Variants in PIK3R3 observed in about 807,000 individuals in gnomAD.
The protein encoded by PIK3R3 is phosphatidylinositol 3-kinase regulatory subunit gamma.
In PIK3R3, 64 loss-of-function variants were observed where a neutral mutation model predicts 62.9. The observed-to-expected ratio is 1.02, with a 90% CI of 0.83 to 1.25. The LOEUF is 1.25. PIK3R3 is among the 50% of genes most tolerant of loss of function. PIK3R3 has a pLI of 0.00. For synonymous variants in PIK3R3, 165 were observed against 189.0 expected (o/e 0.87, Z 1.04); for missense variants, 614 against 561.6 (o/e 1.09, Z -0.94).
chr1:46,096,937 T>C (rs1227397380), intron 1 of PIK3R3, among the ~76,000 whole-genome samples: 1 of 151,120 alleles, frequency 6.6e-6, no homozygotes, highest in Non-Finnish European at 1.5e-5. Context: ...TCTCAACTCA[T>C]TCTGTGAGGC....
At chr1:46,169,380 G>C in the PIK3R3 span, among the ~76,000 whole-genome samples, 4 of 152,162 alleles carry the variant, frequency 2.6e-5, no homozygotes, top group African/African-American at 9.7e-5. Flanking sequence ...GACACATTTA[G>C]GATGTCAAAT....
chr1:46,127,595 G>A (rs1655208844), intron 1 of PIK3R3, among the ~76,000 whole-genome samples: 1 of 152,126 alleles, frequency 6.6e-6, no homozygotes, highest in Non-Finnish European at 1.5e-5. Flanking sequence ...GACCAAAGGT[G>A]ACGCTCTTTG....
In PIK3R3 at chr1:46,056,040, GGTCCTAATATCCTTTTTTTTTTTCCCTT is replaced by G. The variant is rs1647871100; in HGVS notation, c.765-97_765-70del. Reference sequence around the variant, plus strand: ...CAGACAGATCCTACTGGGTGAGCACGGTCCTAATATCCTTTTTTTTTTTCCCTTGAGATTGAGTCTCGCTCTGTCACCC... The same window carrying G: ...CAGACAGATCCTACTGGGTGAGCACGGAGATTGAGTCTCGCTCTGTCACCC... On this transcript the variant is annotated intron_variant, in intron 6 of 9. Transcript: ENST00000262741. 3.0e-6 allele frequency: 3 copies of G among 1,006,882 alleles called. No homozygotes were observed. In the African/African-American group the frequency reaches 5.0e-5, roughly 17 times the overall value. 62.4% of individuals were successfully genotyped at this position (1,006,882 alleles called of 1,614,324 possible).
chr1:46,102,118 TG>T (rs1242238406), intron 1 of PIK3R3, among the ~76,000 whole-genome samples: 4 of 151,246 alleles, frequency 2.6e-5, no homozygotes, highest in Non-Finnish European at 5.9e-5. Context: ...CCCGAGTAGC[TG>T]GGACTACAGG....
rs773840794 is a variant in PIK3R3, at chr1:46,043,819, C to A, written c.1240G>T (p.Gly414Cys). Reference sequence around the variant, plus strand: ...TACAGGTTGTAGGGCTCTGCAAAGCCATAGCCCCGAGCAGTGCTGTAGATC... The same window carrying A: ...TACAGGTTGTAGGGCTCTGCAAAGCAATAGCCCCGAGCAGTGCTGTAGATC... ...CVIYSTARGY[G>C]FAEPYNLYSS... Residue 414 changes from glycine (G) to cysteine (C), a missense_variant, in exon 10 of 10, where the codon GGC (glycine) becomes TGC (cysteine). By Grantham distance (159) the Gly-to-Cys change is radical. Coordinates refer to ENST00000262741, the MANE Select transcript of PIK3R3 (RefSeq NM_003629.4). 3 of 1,614,176 alleles carry A rather than the reference C, an allele frequency of 1.9e-6. No homozygotes were observed. The Admixed American group carries it at 5.0e-5, about 27-fold the overall frequency.
chr1:46,094,011 G>T, intron 1 of PIK3R3, among the ~76,000 whole-genome samples: 1 of 151,868 alleles, frequency 6.6e-6, no homozygotes, highest in East Asian at 1.9e-4. Flanking sequence ...CGAGGCTACA[G>T]TGAGCCAAGA....
rs141031560 is a variant in PIK3R3, at chr1:46,046,445, A to G, written c.1016+106T>C. The G allele has an allele frequency of 5.1e-6, 4 of 790,212 alleles. No homozygotes were observed. In the African/African-American group the frequency reaches 5.1e-5, roughly 10 times the overall value. 49.0% of individuals were successfully genotyped at this position (790,212 alleles called of 1,614,324 possible). A position where few individuals can be genotyped will look rare whatever the true frequency, so the allele number is the denominator to read the frequency against. ...AAAGATAGTCAAAGTTCTAGATTCA[A>G]TGTCCTCAAGTGACAATGACAACCA... On this transcript the variant is annotated intron_variant, in intron 8 of 9. Transcript: ENST00000262741.
the PIK3R3 span, among the ~76,000 whole-genome samples, chr1:46,170,523 C>T: frequency 3.9e-5 from 6 of 152,160 alleles, no homozygotes; most frequent in South Asian, 4.1e-4. Context: ...CAGGTTCAAG[C>T]GATTCTCTTG....
chr1:46,108,958 G>A (rs1242074807), intron 1 of PIK3R3, among the ~76,000 whole-genome samples: 1 of 152,176 alleles, frequency 6.6e-6, no homozygotes, highest in African/African-American at 2.4e-5. Flanking sequence ...AGGAGATCGA[G>A]ACTATCCTGG....
At chr1:46,166,919 G>A in the PIK3R3 span, among the ~76,000 whole-genome samples, 2 of 152,206 alleles carry the variant, frequency 1.3e-5, no homozygotes, top group South Asian at 4.1e-4. Flanking sequence ...CGAGACCAGG[G>A]TCCAGCCTGT....
At chr1:46,115,598 C>T (rs1181006635) in intron 1 of PIK3R3, among the ~76,000 whole-genome samples, 5 of 152,134 alleles carry the variant, frequency 3.3e-5, no homozygotes, top group Admixed American at 1.3e-4. Flanking sequence ...GAACCAGTCC[C>T]AGTTAGAGAG....
intron 7 of PIK3R3, among the ~76,000 whole-genome samples, chr1:46,050,121 CAAAA>C (rs1265958044): frequency 1.3e-5 from 1 of 79,000 alleles, no homozygotes; most frequent in Non-Finnish European, 2.5e-5. Context: ...AACTCTGTCT[CAAAA>C]AAAAAAAAAA....
chr1:46,171,282 G>A, the PIK3R3 span, among the ~76,000 whole-genome samples: 1 of 152,200 alleles, frequency 6.6e-6, no homozygotes, highest in Non-Finnish European at 1.5e-5. Context: ...AGTACCTGAG[G>A]GTAGCAGGAA....
chr1:46,054,121 C>T (rs1351276375), intron 7 of PIK3R3, among the ~76,000 whole-genome samples: 1 of 152,236 alleles, frequency 6.6e-6, no homozygotes, highest in South Asian at 2.1e-4. Context: ...AGGCTGGGTA[C>T]AGTAGCTCAT....
chr1:46,155,184 G>T, the PIK3R3 span, among the ~76,000 whole-genome samples: 1 of 152,038 alleles, frequency 6.6e-6, no homozygotes. Context: ...AGCTGTGGGT[G>T]GTGCCATGCA....
the PIK3R3 span, among the ~76,000 whole-genome samples, chr1:46,164,287 T>C: frequency 2.6e-5 from 4 of 152,266 alleles, no homozygotes; most frequent in South Asian, 8.3e-4. Flanking sequence ...ATCATCCTCA[T>C]ACCTCCCTCT....
In PIK3R3 at chr1:46,086,471, A is replaced by T. The variant is rs746609053; in HGVS notation, c.107-5721T>A. 2.8e-4 allele frequency among the ~76,000 whole-genome samples: 42 copies of T among 152,210 alleles called. 1 individual carries two copies. In the Middle Eastern group the frequency reaches 0.034, roughly 123 times the overall value. On this transcript the variant is annotated intron_variant, in intron 1 of 9. Transcript: ENST00000262741. ...TCCCTGAACTTTGGGAGGTCGAGGC[A>T]GGTGGATCACCTGAGGTAAGGAGTT...
At chr1:46,081,670 G>A (rs1650605321) in intron 1 of PIK3R3, among the ~76,000 whole-genome samples, 1 of 152,098 alleles carries the variant, frequency 6.6e-6, no homozygotes, top group African/African-American at 2.4e-5. Context: ...AGAGGTCCTG[G>A]GGGCAACAAC....
chr1:46,076,345 A>C lies in PIK3R3; in HGVS notation c.314+1170T>G, dbSNP rs576244248. Reference sequence around the variant, plus strand: ...TTAAAGTTAGGAAGAAAATCAGGAAAGTGTGACGTCTTAACAGCCAAAACA... The same window carrying C: ...TTAAAGTTAGGAAGAAAATCAGGAACGTGTGACGTCTTAACAGCCAAAACA... On this transcript the variant is annotated intron_variant, in intron 3 of 9. Coordinates refer to ENST00000262741, the MANE Select transcript of PIK3R3 (RefSeq NM_003629.4). Among the ~76,000 whole-genome samples the C allele has an allele frequency of 1.8e-4, 28 of 152,346 alleles. 1 individual carries two copies. The South Asian group carries it at 4.8e-3, about 26-fold the overall frequency.
Sources: allele counts gnomAD v4.1 joint callset (sites outside exome capture counted in the v4.1 genomes callset), GRCh38; gene constraint gnomAD v4.1.1; transcripts MANE v1.5; gene names NCBI Gene and HGNC (gene_info 2026-07-23, HGNC 2026-07-21).